ANKS1A: variants seen among roughly 807,000 people sequenced by gnomAD.
The protein encoded by ANKS1A is ankyrin repeat and sterile alpha motif domain containing 1A.
In ANKS1A, 55 loss-of-function variants were observed where a neutral mutation model predicts 120.3. The observed-to-expected ratio is 0.46, with a 90% CI of 0.37 to 0.57. The LOEUF (loss-of-function observed/expected upper bound fraction) is 0.57. Ranked by LOEUF, ANKS1A falls within the 20% of genes least tolerant of loss-of-function variation. ANKS1A has a pLI of 0.00. For missense variants in ANKS1A, 1,123 were observed against 1,480.3 expected, an observed-to-expected ratio of 0.76 and a Z score of 3.96; for synonymous variants, 590 against 604.7, an observed-to-expected ratio of 0.98 and a Z score of 0.36.
chr6:35,045,186 C>T (rs752391165), intron 11 of ANKS1A, among the ~76,000 whole-genome samples: 1 of 152,220 alleles, frequency 6.6e-6, no homozygotes, highest in Non-Finnish European at 1.5e-5. Context: ...AGGCAATGCA[C>T]AGCTTGCTCA....
At chr6:34,973,930 T>C (rs868401535) in intron 3 of ANKS1A, among the ~76,000 whole-genome samples, 1 of 71,750 alleles carries the variant, frequency 1.4e-5, no homozygotes, top group Non-Finnish European at 2.7e-5. Flanking sequence ...CCCTTCCCCT[T>C]CCCTTCCCCT....
At chr6:34,946,774 G>T (rs1429530356) in intron 1 of ANKS1A, among the ~76,000 whole-genome samples, 1 of 152,206 alleles carries the variant, frequency 6.6e-6, no homozygotes, top group Non-Finnish European at 1.5e-5. Context: ...AAAGGTGTAA[G>T]TATTAGGAGC....
At chr6:35,062,213 A>C (rs1331961578) in intron 13 of ANKS1A, among the ~76,000 whole-genome samples, 1 of 152,216 alleles carries the variant, frequency 6.6e-6, no homozygotes, top group Non-Finnish European at 1.5e-5. Context: ...AGGGGCTCTC[A>C]GTGCTGGCAG....
chr6:34,931,770 T>C (rs769719857), intron 1 of ANKS1A, among the ~76,000 whole-genome samples: 3 of 152,238 alleles, frequency 2.0e-5, no homozygotes, highest in Non-Finnish European at 2.9e-5. Flanking sequence ...TCTGGGAAAA[T>C]TCATGCTCAG....
At chr6:35,095,155 A>G (rs572036004), downstream of ANKS1A, among the ~76,000 whole-genome samples, 4 of 151,490 alleles carry the variant, frequency 2.6e-5, no homozygotes, top group South Asian at 8.3e-4. Flanking sequence ...AAAAAAAAAA[A>G]AAAAAGCACT....
At chr6:35,037,392 C>T (rs1368392149) in intron 11 of ANKS1A, among the ~76,000 whole-genome samples, 2 of 152,168 alleles carry the variant, frequency 1.3e-5, no homozygotes, top group East Asian at 1.9e-4. Context: ...CTATCTCTGG[C>T]TGAGTTTTAA....
intron 11 of ANKS1A, among the ~76,000 whole-genome samples, chr6:35,034,590 A>G (rs1775063585): frequency 6.6e-6 from 1 of 152,250 alleles, no homozygotes; most frequent in Non-Finnish European, 1.5e-5. Context: ...TAGTTTAGAC[A>G]GTGCCTCTCA....
Position 35,084,294 on chromosome 6 carries a change from G to T in ANKS1A, c.3132+36G>T. The stretch of plus-strand genomic sequence containing the variant: ...TCCTGGGGCCGGGTGGGGCAGGCTT[G>T]GGTTGCAGCCCTGAGGCGTCCAGCC... On this transcript the variant is annotated intron_variant, in intron 21 of 23. Transcript: ENST00000360359. The surrounding 1 kb of genome is among the most constrained non-coding windows in gnomAD (Gnocchi z 4.8). 1 of 1,610,122 alleles carries T rather than the reference G, an allele frequency of 6.2e-7. No homozygotes were observed. Among genetic ancestry groups the T allele is most frequent in the Non-Finnish European group, 8.5e-7 (1 of 1,178,668 alleles).
At chr6:35,021,522 G>T (rs547114941) in intron 11 of ANKS1A, among the ~76,000 whole-genome samples, 1 of 152,358 alleles carries the variant, frequency 6.6e-6, no homozygotes, top group East Asian at 1.9e-4. Flanking sequence ...AACTGAGGCA[G>T]TTAGATCTGT....
At chr6:34,985,742 G>C (rs1333972686) in intron 8 of ANKS1A, among the ~76,000 whole-genome samples, 1 of 152,176 alleles carries the variant, frequency 6.6e-6, no homozygotes, top group Non-Finnish European at 1.5e-5. Flanking sequence ...ATTTGGGCAG[G>C]TTCTGGATTC....
At chr6:34,961,762 G>T (rs940392219) in intron 1 of ANKS1A, among the ~76,000 whole-genome samples, 2 of 152,178 alleles carry the variant, frequency 1.3e-5, no homozygotes, top group East Asian at 3.9e-4. Context: ...TGATAGGCCC[G>T]CACTCTCAGC....
chr6:34,931,150 C>CTT (rs71538282), intron 1 of ANKS1A, among the ~76,000 whole-genome samples: 1,504 of 134,738 alleles, frequency 0.011, 5 homozygotes, highest in Non-Finnish European at 0.017. Context: ...AGGCTGTTTT[C>CTT]TTTTTTTTTT....
intron 11 of ANKS1A, among the ~76,000 whole-genome samples, chr6:35,038,020 C>T (rs549805002): frequency 1.6e-4 from 25 of 152,116 alleles, no homozygotes; most frequent in Non-Finnish European, 3.1e-4. Flanking sequence ...AGATGGCTGG[C>T]GTCAGGTCTC....
At chr6:34,894,022 G>A (rs13219624) in intron 1 of ANKS1A, among the ~76,000 whole-genome samples, 46,359 of 152,072 alleles carry the variant, frequency 0.3, 9,859 homozygotes, top group East Asian at 0.58. Context: ...CAGTTATCCA[G>A]AATGTCTAGG....
intron 10 of ANKS1A, among the ~76,000 whole-genome samples, chr6:35,012,821 G>A (rs558369467): frequency 2.6e-5 from 4 of 152,148 alleles, no homozygotes; most frequent in Non-Finnish European, 5.9e-5. Context: ...TGGCCTCGAT[G>A]TATGGGTAGC....
chr6:34,984,701 T>C (rs1772090993), intron 7 of ANKS1A, among the ~76,000 whole-genome samples: 1 of 152,188 alleles, frequency 6.6e-6, no homozygotes, highest in Admixed American at 6.5e-5. Context: ...TCTATTTTGC[T>C]TGAGCACATG....
chr6:34,998,868 T>G (rs1367376066), intron 10 of ANKS1A, among the ~76,000 whole-genome samples: 1 of 152,188 alleles, frequency 6.6e-6, no homozygotes, highest in African/African-American at 2.4e-5. Flanking sequence ...AGCGAGGTGA[T>G]TAACGGATGG....
intron 1 of ANKS1A, among the ~76,000 whole-genome samples, chr6:34,948,305 A>T (rs1769904823): frequency 6.6e-6 from 1 of 152,140 alleles, no homozygotes; most frequent in Non-Finnish European, 1.5e-5. Context: ...AAGGCAGCAA[A>T]ATTTGATCTG....
At chr6:34,947,093 T>C (rs987217646) in intron 1 of ANKS1A, among the ~76,000 whole-genome samples, 10 of 151,950 alleles carry the variant, frequency 6.6e-5, no homozygotes, top group Admixed American at 2.0e-4. Context: ...AAATATTAGG[T>C]GTCTAGTATG....
Sources: gnomAD v4.1 joint callset for allele counts (sites outside exome capture counted in the v4.1 genomes callset) on GRCh38, gnomAD v4.1.1 for gene constraint, Gnocchi (gnomAD v3.1) non-coding constraint, MANE v1.5 for transcripts, NCBI Gene and HGNC (gene_info 2026-07-23, HGNC 2026-07-21) for gene names.